CYP3A5: variants seen among roughly 807,000 people sequenced by gnomAD.
CYP3A5 encodes cytochrome P450 3A5.
A neutral mutation model predicts 55.9 loss-of-function variants in CYP3A5; 51 were observed. The ratio of observed to expected loss-of-function variants is 0.91; its 90% CI spans 0.73 to 1.15. The LOEUF is 1.15. Among genes scored for constraint, CYP3A5 ranks in the 50% most tolerant of loss-of-function variants. CYP3A5 has a pLI of 0.00. For synonymous variants in CYP3A5, 196 were observed against 213.9 expected, an observed-to-expected ratio of 0.92 and a Z score of 0.73; for missense variants, 533 against 596.6, an observed-to-expected ratio of 0.89 and a Z score of 1.11.
At chr7:99,678,894 G>A (rs531525683) in intron 1 of CYP3A5, among the ~76,000 whole-genome samples, 28 of 152,324 alleles carry the variant, frequency 1.8e-4, no homozygotes, top group Non-Finnish European at 3.7e-4. Flanking sequence ...ACCCACAGTG[G>A]AAAGTAACTC....
At chr7:99,667,101 T>C (rs768651559) in intron 4 of CYP3A5, 36 bp from the exon 5 acceptor site, 1 of 1,577,672 alleles carries the variant, frequency 6.3e-7, no homozygotes, top group Non-Finnish European at 8.7e-7. Flanking sequence ...CTCACATTAG[T>C]TGTGGTGATC....
In CYP3A5 at chr7:99,665,292, C is replaced by A; in HGVS notation, c.544G>T (p.Asp182Tyr). The A allele has an allele frequency of 6.2e-7, 1 of 1,614,140 alleles. No individual in the cohort carries two copies. The highest frequency in any genetic ancestry group is 8.5e-7 in the Non-Finnish European group (1 of 1,180,008). ...LKDIFGAYSM[D>Y]VITGTSFGVN... ...CCAAATGATGTGCCAGTAATCACAT[C>A]CATGCTGTAGGCCCCAAAGATGCTG... The change falls in exon 7 of 13, where the codon GAT (aspartate) becomes TAT (tyrosine). Residue 182 changes from aspartate (D) to tyrosine (Y), a missense_variant. Asp to Tyr is a radical substitution (Grantham distance 160). Transcript: ENST00000222982.
chr7:99,652,883 A>C (rs889874582), intron 10 of CYP3A5, 104 bp from the exon 11 acceptor site: 4 of 790,874 alleles, frequency 5.1e-6, no homozygotes, highest in Admixed American at 5.3e-5. Flanking sequence ...AGAATAACTC[A>C]TACTGGTAAA....
At chr7:99,673,855 C>G (rs1811949107) in intron 3 of CYP3A5, among the ~76,000 whole-genome samples, 1 of 152,198 alleles carries the variant, frequency 6.6e-6, no homozygotes, top group Non-Finnish European at 1.5e-5. Context: ...CTGGGAGTCC[C>G]TGGGCCACCA....
chr7:99,674,474 A>G (rs1812021949), intron 3 of CYP3A5, 59 bp downstream of exon 3: 4 of 1,369,776 alleles, frequency 2.9e-6, no homozygotes, highest in Non-Finnish European at 4.2e-6. Context: ...ACTATCCTGC[A>G]GTGGGGTAAC....
At chr7:99,669,465 G>A (rs1465885747) in intron 4 of CYP3A5, among the ~76,000 whole-genome samples, 1 of 152,186 alleles carries the variant, frequency 6.6e-6, no homozygotes, top group Non-Finnish European at 1.5e-5. Flanking sequence ...TTTACTGATG[G>A]TGAGTTTATT....
chr7:99,661,779 T>C (rs184119559), intron 9 of CYP3A5, among the ~76,000 whole-genome samples: 102 of 152,350 alleles, frequency 6.7e-4, no homozygotes, highest in Middle Eastern at 3.4e-3. Context: ...CTCAGTTACA[T>C]TGAACCCCAT....
intron 1 of CYP3A5, among the ~76,000 whole-genome samples, chr7:99,678,153 G>A (rs41300731): frequency 0.01 from 1,580 of 152,336 alleles, 12 homozygotes; most frequent in Non-Finnish European, 0.015. Context: ...TTGTCTGCCT[G>A]GCTGCCCGAG....
In CYP3A5 at chr7:99,660,612, C is replaced by CA; in HGVS notation, c.912dup (p.Ala305CysfsTer4). The CA allele has an allele frequency of 6.2e-7, 1 of 1,613,786 alleles. No homozygotes were observed. The highest frequency in any genetic ancestry group is 8.5e-7 in the Non-Finnish European group (1 of 1,179,876). On this transcript the variant is annotated frameshift_variant, in exon 10 of 13. Transcript: ENST00000222982. LOFTEE classifies it high-confidence loss of function. ...ACACTGCTGGTGGTTTCATAGCCAGCAAAAATGAAGATTATTGACTGGGCT... is the reference window on the plus strand; with the variant it reads ...ACACTGCTGGTGGTTTCATAGCCAGCAAAAAATGAAGATTATTGACTGGGCT...
chr7:99,675,390 G>A (rs1812117887), intron 2 of CYP3A5, among the ~76,000 whole-genome samples: 6 of 152,080 alleles, frequency 3.9e-5, no homozygotes, highest in African/African-American at 1.2e-4. Flanking sequence ...TTTATCGAGG[G>A]TAAAATTGTG....
chr7:99,655,802 G>C (rs1229794546), intron 10 of CYP3A5, among the ~76,000 whole-genome samples: 1 of 152,158 alleles, frequency 6.6e-6, no homozygotes, highest in Non-Finnish European at 1.5e-5. Context: ...CACATCCCTT[G>C]TAAGTTGAAT....
chr7:99,652,832 A>C, intron 10 of CYP3A5, 53 bp from the exon 11 acceptor site: 1 of 1,375,492 alleles, frequency 7.3e-7, no homozygotes, highest in Non-Finnish European at 1.0e-6. Context: ...TTAACTCTCA[A>C]CTGAGTCCAT....
At chr7:99,652,908 G>A (rs1383755327) in intron 10 of CYP3A5, 129 bp from the exon 11 acceptor site, 28 of 703,988 alleles carry the variant, frequency 4.0e-5, no homozygotes, top group Non-Finnish European at 5.2e-5. Context: ...CATAGTATTC[G>A]TGAAGTATTT....
chr7:99,651,021 T>C (rs941934146), intron 11 of CYP3A5, among the ~76,000 whole-genome samples: 52 of 152,216 alleles, frequency 3.4e-4, no homozygotes, highest in African/African-American at 1.2e-3. Flanking sequence ...GGCATTGTTG[T>C]CATATGTTTT....
At chr7:99,650,041 T>A (rs534321320) in intron 12 of CYP3A5, 32 bp downstream of exon 12, 1 of 1,611,210 alleles carries the variant, frequency 6.2e-7, no homozygotes. Flanking sequence ...GTTAAAAAAA[T>A]TCTTAATAAA....
At position 99,679,992 on chromosome 7, in the gene CYP3A5, A is replaced by C; in HGVS notation, c.-96T>G. The C allele has an allele frequency of 4.7e-6, 5 of 1,060,830 alleles. 1 individual carries two copies. In the South Asian group the frequency reaches 6.4e-5, roughly 13 times the overall value. The allele number at this position is 1,060,830 out of a possible 1,614,324, so 65.7% of individuals were successfully genotyped here. On this transcript the variant is annotated 5_prime_UTR_variant, in exon 1 of 13. Transcript: ENST00000222982. ...TTTGCCTGGAGCTTCCCTGCCCTGC[A>C]CAGCAGTCTTCAGCCAAGCTGCTGA...
chr7:99,666,930 A>T (rs1316806910), intron 5 of CYP3A5, 22 bp downstream of exon 5: 1 of 1,610,468 alleles, frequency 6.2e-7, no homozygotes, highest in East Asian at 2.2e-5. Context: ...ATTTCTAATT[A>T]AGACTCATCT....
chr7:99,652,370 G>A (rs1584405880), intron 11 of CYP3A5, 183 bp downstream of exon 11: 2 of 490,726 alleles, frequency 4.1e-6, no homozygotes, highest in East Asian at 6.4e-5. Context: ...ACTGTGGATG[G>A]ATGTAGTTTC....
chr7:99,658,073 C>T (rs1466961075), intron 10 of CYP3A5, among the ~76,000 whole-genome samples: 1 of 152,046 alleles, frequency 6.6e-6, no homozygotes, highest in Non-Finnish European at 1.5e-5. Flanking sequence ...AGCATTTAGC[C>T]CGTTTACATT....
Sources: allele counts gnomAD v4.1 joint callset (sites outside exome capture counted in the v4.1 genomes callset), GRCh38; gene constraint gnomAD v4.1.1; transcripts MANE v1.5; gene names NCBI Gene and HGNC (gene_info 2026-07-23, HGNC 2026-07-21).